Variants in NLGN4Y observed in about 807,000 individuals in gnomAD.
The protein encoded by NLGN4Y is neuroligin 4 Y-linked, also known as neuroligin-4, Y-linked.
A neutral mutation model predicts 8.4 loss-of-function variants in NLGN4Y; 4 were observed. That is an observed-to-expected ratio of 0.48 (90% CI 0.23 to 1.09). NLGN4Y has a LOEUF of 1.09. NLGN4Y is among the 50% of genes least tolerant of loss of function. The pLI, the probability that NLGN4Y is intolerant of heterozygous loss-of-function variation, is 0.19. For missense variants in NLGN4Y, 90 were observed against 192.3 expected (o/e 0.47, Z 3.15); for synonymous variants, 35 against 75.6 (o/e 0.46, Z 2.78).
chrY:14,556,422 C>T (rs761817414), intron 1 of NLGN4Y, among the ~76,000 whole-genome samples: 1 of 32,641 alleles, frequency 3.1e-5, no homozygotes, highest in Non-Finnish European at 7.5e-5. Context: ...CCACTCTACC[C>T]CATAGTAACC....
chrY:14,597,088 T>G, intron 1 of NLGN4Y, among the ~76,000 whole-genome samples: 1 of 31,926 alleles, frequency 3.1e-5, no homozygotes, highest in Non-Finnish European at 7.6e-5. Flanking sequence ...TCTGGTGGGT[T>G]CGTGGTCTCG....
intron 4 of NLGN4Y, among the ~76,000 whole-genome samples, chrY:14,760,767 G>A: frequency 3.0e-5 from 1 of 33,000 alleles, no homozygotes; most frequent in African/African-American, 1.2e-4. Context: ...ACCACTGAGG[G>A]ACACTGATGA....
intron 4 of NLGN4Y, among the ~76,000 whole-genome samples, chrY:14,724,583 A>G (rs2080948953): frequency 6.3e-5 from 2 of 31,583 alleles, no homozygotes; most frequent in East Asian, 8.2e-4. Flanking sequence ...TCTTCACAAC[A>G]CTGTCTTCCC....
At chrY:14,627,856 G>A (rs1603501649) in intron 2 of NLGN4Y, among the ~76,000 whole-genome samples, 1 of 34,400 alleles carries the variant, frequency 2.9e-5, no homozygotes, top group Non-Finnish European at 7.3e-5. Flanking sequence ...CAATGGGACT[G>A]AAAACCCTGG....
At chrY:14,702,345 A>G (rs2080853518) in intron 2 of NLGN4Y, among the ~76,000 whole-genome samples, 1 of 30,805 alleles carries the variant, frequency 3.2e-5, no homozygotes, top group Non-Finnish European at 7.8e-5. Flanking sequence ...CCAGTGTGTG[A>G]TGTTCCCCTT....
intron 4 of NLGN4Y, among the ~76,000 whole-genome samples, chrY:14,762,208 C>A (rs890771573): frequency 3.0e-5 from 1 of 33,857 alleles, no homozygotes; most frequent in Non-Finnish European, 7.3e-5. Flanking sequence ...AAAATGTATT[C>A]TGTAAGAGAT....
chrY:14,815,676 T>A (rs2043099657), intron 4 of NLGN4Y, among the ~76,000 whole-genome samples: 6 of 33,380 alleles, frequency 1.8e-4, no homozygotes, highest in South Asian at 6.8e-4. Context: ...TCATTGCTAG[T>A]GTAATAGGTG....
At chrY:14,696,406 A>G (rs760344006) in intron 2 of NLGN4Y, among the ~76,000 whole-genome samples, 5 of 32,722 alleles carry the variant, frequency 1.5e-4, no homozygotes, top group African/African-American at 6.0e-4. Flanking sequence ...AGGTGTTGTC[A>G]GGGTTGGTTT....
chrY:14,560,742 C>G, intron 1 of NLGN4Y, among the ~76,000 whole-genome samples: 1 of 33,534 alleles, frequency 3.0e-5, no homozygotes, highest in Non-Finnish European at 7.4e-5. Context: ...AAAATTACAT[C>G]TATTGTCCTG....
chrY:14,662,100 T>A (rs2080676575), intron 2 of NLGN4Y, among the ~76,000 whole-genome samples: 1 of 34,042 alleles, frequency 2.9e-5, no homozygotes, highest in African/African-American at 1.1e-4. Flanking sequence ...CTTAAGTTTT[T>A]TCCTAGATGT....
intron 1 of NLGN4Y, among the ~76,000 whole-genome samples, chrY:14,544,985 G>A: frequency 4.4e-5 from 1 of 22,710 alleles, no homozygotes; most frequent in African/African-American, 1.8e-4. Flanking sequence ...CTGTGTACAT[G>A]TGATCTCACT....
At chrY:14,800,540 G>A (rs1034077622) in intron 4 of NLGN4Y, among the ~76,000 whole-genome samples, 1 of 30,578 alleles carries the variant, frequency 3.3e-5, no homozygotes, top group Non-Finnish European at 7.8e-5. Context: ...AGATAGATAG[G>A]TAGATAGATA....
chrY:14,747,868 C>A (rs2081028218), intron 4 of NLGN4Y, among the ~76,000 whole-genome samples: 1 of 33,853 alleles, frequency 3.0e-5, no homozygotes, highest in African/African-American at 1.2e-4. Flanking sequence ...TATAGCAATG[C>A]AAATGGAGTA....
At chrY:14,582,926 T>C in intron 1 of NLGN4Y, among the ~76,000 whole-genome samples, 1 of 34,170 alleles carries the variant, frequency 2.9e-5, no homozygotes, top group Non-Finnish European at 7.3e-5. Flanking sequence ...AACTTAGTCT[T>C]AAGATAGCAC....
At chrY:14,713,640 T>A (rs2080906173) in intron 2 of NLGN4Y, among the ~76,000 whole-genome samples, 1 of 33,432 alleles carries the variant, frequency 3.0e-5, no homozygotes, top group Non-Finnish European at 7.4e-5. Context: ...AGAGACGAGC[T>A]TTCCCCATGT....
At chrY:14,637,520 T>C in intron 2 of NLGN4Y, among the ~76,000 whole-genome samples, 3 of 33,700 alleles carry the variant, frequency 8.9e-5, no homozygotes, top group Admixed American at 8.3e-4. Flanking sequence ...TATTTTGAAC[T>C]GGAAGCCACA....
chrY:14,709,825 G>A, intron 2 of NLGN4Y, among the ~76,000 whole-genome samples: 4 of 33,181 alleles, frequency 1.2e-4, no homozygotes, highest in Non-Finnish European at 2.2e-4. Flanking sequence ...CTGAAAATGG[G>A]AGTGTTATCT....
At position 14,524,667 on chromosome Y, in the gene NLGN4Y, GA is replaced by G; in HGVS notation, c.-152del. The G allele has an allele frequency of 1.7e-5, 2 of 120,446 alleles. No individual in the cohort carries two copies. Among genetic ancestry groups the G allele is most frequent in the South Asian group, 7.8e-5 (2 of 25,621 alleles). 30.0% of individuals were successfully genotyped at this position (120,446 alleles called of 400,897 possible). A position where few individuals can be genotyped will look rare whatever the true frequency, so the allele number is the denominator to read the frequency against. On this transcript the variant is annotated 5_prime_UTR_variant, in exon 1 of 7. Coordinates refer to ENST00000684976, the MANE Select transcript of NLGN4Y (RefSeq NM_001365588.1). ...ACCCGCGCCTGAAGCGGCTTGGCTT[GA>G]CCTGCGGAAGCGCGGGCCGGGATGG...
chrY:14,815,537 T>C (rs2043098398), intron 4 of NLGN4Y, among the ~76,000 whole-genome samples: 2 of 33,447 alleles, frequency 6.0e-5, no homozygotes, highest in Admixed American at 5.5e-4. Flanking sequence ...GTTGAAGTTG[T>C]AGAGTATTAT....
Sources: gnomAD v4.1 joint callset for allele counts (sites outside exome capture counted in the v4.1 genomes callset) on GRCh38, gnomAD v4.1.1 for gene constraint, MANE v1.5 for transcripts, NCBI Gene and HGNC (gene_info 2026-07-23, HGNC 2026-07-21) for gene names.